Variants in FNBP1L observed in about 807,000 individuals in gnomAD.
The protein encoded by FNBP1L is formin-binding protein 1-like.
In FNBP1L, 36 loss-of-function variants were observed where a neutral mutation model predicts 91.2. The observed-to-expected ratio is 0.39, with a 90% CI of 0.30 to 0.52. The LOEUF is 0.52. Among genes scored for constraint, FNBP1L ranks in the 20% least tolerant of loss-of-function variants. The probability of loss-of-function intolerance (pLI) is 0.66; values close to 1 mark genes in which losing one functional copy is unlikely to be tolerated. For missense variants in FNBP1L, 571 were observed against 732.1 expected (o/e 0.78, Z 2.54); for synonymous variants, 242 against 237.0 (o/e 1.02, Z -0.19).
chr1:93,452,484 C>T (rs1035941516), intron 1 of FNBP1L, among the ~76,000 whole-genome samples: 1 of 152,172 alleles, frequency 6.6e-6, no homozygotes, highest in Non-Finnish European at 1.5e-5. Flanking sequence ...TGATTGATAG[C>T]TTGGTAATGT....
Position 93,546,823 on chromosome 1 carries a change from G to A in FNBP1L, c.1275-19G>A, listed in dbSNP as rs371616325. ...ATATGAAGTTAATATTTAATTCTGG[G>A]GTTCCTTCTCTTTTTTAGAGATGCA... On this transcript the variant is annotated intron_variant, in intron 12 of 16. Transcript: ENST00000271234. 39 of 1,609,750 alleles carry A rather than the reference G, an allele frequency of 2.4e-5. No individual in the cohort carries two copies. The highest frequency in any genetic ancestry group is 3.3e-5 in the Non-Finnish European group (39 of 1,178,078).
chr1:93,527,070 A>G (rs920586200), intron 5 of FNBP1L, among the ~76,000 whole-genome samples: 5 of 152,144 alleles, frequency 3.3e-5, no homozygotes, highest in Admixed American at 2.6e-4. Context: ...GTCTCATACT[A>G]ATCAAAATAC....
chr1:93,517,377 G>A (rs1671165060), intron 2 of FNBP1L, among the ~76,000 whole-genome samples: 1 of 151,948 alleles, frequency 6.6e-6, no homozygotes, highest in Non-Finnish European at 1.5e-5. Flanking sequence ...CCAGGCTGGA[G>A]TGCAGTGGCA....
At chr1:93,542,890 T>G (rs1340402375) in intron 11 of FNBP1L, among the ~76,000 whole-genome samples, 1 of 151,568 alleles carries the variant, frequency 6.6e-6, no homozygotes, top group African/African-American at 2.4e-5. Flanking sequence ...TTCAAGTGAT[T>G]CTCCTGCCTC....
chr1:93,515,900 A>G (rs1340148217), intron 2 of FNBP1L, among the ~76,000 whole-genome samples: 1 of 151,696 alleles, frequency 6.6e-6, no homozygotes, highest in Non-Finnish European at 1.5e-5. Context: ...TGTACCCTAA[A>G]ACTTAAGGTA....
chr1:93,542,776 C>CTTT lies in FNBP1L; in HGVS notation c.1165-1311_1165-1309dup, dbSNP rs34922906. The stretch of plus-strand genomic sequence containing the variant: ...TTATATTCTTTTTTCTTTTCTTTAC[C>CTTT]TTTTTTTTTTTTTTTTTTTTTTAAA... On this transcript the variant is annotated intron_variant, in intron 11 of 16. Transcript: ENST00000271234. Among the ~76,000 whole-genome samples, 12 of 125,576 alleles carry CTTT rather than the reference C, an allele frequency of 9.6e-5. No individual in the cohort carries two copies. The South Asian group carries it at 1.0e-3, about 11-fold the overall frequency. 82.4% of individuals were successfully genotyped at this position (125,576 alleles called of 152,430 possible). A position where few individuals can be genotyped will look rare whatever the true frequency, so the allele number is the denominator to read the frequency against.
In FNBP1L at chr1:93,553,490, C is replaced by T. The variant is rs1030742039; in HGVS notation, c.*1074C>T. On this transcript the variant is annotated 3_prime_UTR_variant, in exon 17 of 17. Transcript: ENST00000271234. ...TCAAATTTATGCATCAAACTAAAGA[C>T]ATGTCCAAGTCCATTTTAATTTCCT... 9 of 152,638 alleles carry T rather than the reference C, an allele frequency of 5.9e-5. No individual in the cohort carries two copies. Among genetic ancestry groups the T allele is most frequent in the Non-Finnish European group, 8.8e-5 (6 of 68,040 alleles). 9.5% of individuals were successfully genotyped at this position (152,638 alleles called of 1,614,324 possible).
intron 1 of FNBP1L, among the ~76,000 whole-genome samples, chr1:93,479,228 G>A (rs1295672125): frequency 3.3e-5 from 5 of 152,114 alleles, no homozygotes; most frequent in African/African-American, 1.2e-4. Flanking sequence ...AGGGGAGGGG[G>A]TGTACGAACA....
At position 93,549,429 on chromosome 1, in the gene FNBP1L, A is replaced by G; in HGVS notation, c.1651+3A>G. 1 of 1,565,424 alleles carries G rather than the reference A, an allele frequency of 6.4e-7. No homozygotes were observed. The highest frequency in any genetic ancestry group is 8.6e-7 in the Non-Finnish European group (1 of 1,162,946). On this transcript the variant is annotated splice_donor_region_variant and intron_variant, in intron 15 of 16. Coordinates refer to ENST00000271234, the MANE Select transcript of FNBP1L (RefSeq NM_001164473.3). ...CAAAGCTATCTACCCTTTTGATGGT[A>G]TGATTTTCTTAATAATATTGTATGT...
intron 11 of FNBP1L, among the ~76,000 whole-genome samples, chr1:93,541,741 A>G (rs904324028): frequency 2.0e-5 from 3 of 152,184 alleles, no homozygotes; most frequent in African/African-American, 4.8e-5. Context: ...CATTGTTGGA[A>G]TCAGCCTTTT....
intron 1 of FNBP1L, among the ~76,000 whole-genome samples, chr1:93,449,261 G>A (rs1193274671): frequency 1.3e-5 from 2 of 149,454 alleles, no homozygotes; most frequent in African/African-American, 4.9e-5. Context: ...AGGTGTGGAG[G>A]GCAGTGATTT....
intron 1 of FNBP1L, among the ~76,000 whole-genome samples, chr1:93,491,075 G>C (rs1013322739): frequency 6.6e-6 from 1 of 151,960 alleles, no homozygotes; most frequent in Non-Finnish European, 1.5e-5. Flanking sequence ...GAGTAGCTGG[G>C]ATTACAGGCA....
At chr1:93,533,963 A>G (rs1055500921) in intron 8 of FNBP1L, among the ~76,000 whole-genome samples, 1 of 152,196 alleles carries the variant, frequency 6.6e-6, no homozygotes, top group African/African-American at 2.4e-5. Context: ...ATAGGCAACA[A>G]AAGAGAGGTT....
chr1:93,539,919 A>T (rs941626939), intron 10 of FNBP1L, among the ~76,000 whole-genome samples: 4 of 152,128 alleles, frequency 2.6e-5, no homozygotes, highest in African/African-American at 9.7e-5. Context: ...TTTAATGTGA[A>T]TTTTTTATCT....
At chr1:93,478,526 G>A (rs957830010) in intron 1 of FNBP1L, among the ~76,000 whole-genome samples, 38 of 152,210 alleles carry the variant, frequency 2.5e-4, no homozygotes, top group African/African-American at 8.0e-4. Context: ...GAGGGGGGCA[G>A]TCCATGCAGA....
chr1:93,495,879 T>A (rs1489682897), intron 1 of FNBP1L, among the ~76,000 whole-genome samples: 1 of 152,262 alleles, frequency 6.6e-6, no homozygotes, highest in Non-Finnish European at 1.5e-5. Context: ...ATTTTGTCTG[T>A]ACACTTAAAA....
intron 1 of FNBP1L, among the ~76,000 whole-genome samples, chr1:93,458,151 GTT>G (rs1407186940): frequency 1.3e-5 from 2 of 151,980 alleles, no homozygotes; most frequent in East Asian, 3.9e-4. Context: ...TAAGAGCTGT[GTT>G]TTTTTGGTTT....
At chr1:93,481,078 A>G (rs1270459617) in intron 1 of FNBP1L, among the ~76,000 whole-genome samples, 1 of 152,140 alleles carries the variant, frequency 6.6e-6, no homozygotes, top group Non-Finnish European at 1.5e-5. Flanking sequence ...TTTCCTGACA[A>G]ATGCTCCAGC....
At chr1:93,476,934 T>G (rs1669518227) in intron 1 of FNBP1L, among the ~76,000 whole-genome samples, 1 of 152,182 alleles carries the variant, frequency 6.6e-6, no homozygotes, top group South Asian at 2.1e-4. Flanking sequence ...AATTGACATC[T>G]CTCCATTTTA....
Sources: allele counts gnomAD v4.1 joint callset (sites outside exome capture counted in the v4.1 genomes callset), GRCh38; gene constraint gnomAD v4.1.1; transcripts MANE v1.5; gene names NCBI Gene and HGNC (gene_info 2026-07-23, HGNC 2026-07-21).